The following DCC variants were observed in gnomAD, a reference collection of about 807,000 sequenced individuals.
DCC encodes the protein netrin receptor DCC.
DCC carries 58 observed loss-of-function variants against 172.5 expected under a neutral mutation model. The ratio of observed to expected loss-of-function variants is 0.34; its 90% confidence interval spans 0.27 to 0.42. The LOEUF is 0.42. Ranked by LOEUF, DCC falls within the 10% of genes least tolerant of loss-of-function variation. The probability of loss-of-function intolerance (pLI) is 1.00; values close to 1 mark genes in which losing one functional copy is unlikely to be tolerated. For synonymous variants in DCC, 709 were observed against 644.5 expected (o/e 1.10, Z -1.52); for missense variants, 1,740 against 1,791.0 (o/e 0.97, Z 0.51).
At chr18:52,588,772 A>G (rs186612255) in intron 1 of DCC, among the ~76,000 whole-genome samples, 1 of 152,270 alleles carries the variant, frequency 6.6e-6, no homozygotes, top group Admixed American at 6.5e-5. Flanking sequence ...GAAGACTAGA[A>G]CACAAGTCTT....
chr18:53,479,621 A>AAGAT (rs2045808420), intron 25 of DCC, among the ~76,000 whole-genome samples: 1 of 152,196 alleles, frequency 6.6e-6, no homozygotes, highest in African/African-American at 2.4e-5. Flanking sequence ...AGGATTTTAC[A>AAGAT]AGATAAGAAG....
rs1163503566 is a variant in DCC at position 52,634,995 on chromosome 18, G to C, written c.92-117059G>C. On this transcript the variant is annotated intron_variant, in intron 1 of 28. Coordinates refer to ENST00000442544, the MANE Select transcript of DCC (RefSeq NM_005215.4). ...TAGTATCACTCTTCTATTCTTATAAGATAGGGTCATGAAAATTAGTAGTAA... is the reference window on the plus strand; with the variant it reads ...TAGTATCACTCTTCTATTCTTATAACATAGGGTCATGAAAATTAGTAGTAA... Among the ~76,000 whole-genome samples the C allele has an allele frequency of 1.3e-5, 2 of 152,126 alleles. 1 individual carries two copies. Among genetic ancestry groups the C allele is most frequent in the African/African-American group, 4.8e-5 (2 of 41,422 alleles).
intron 3 of DCC, among the ~76,000 whole-genome samples, chr18:52,922,827 G>A (rs368300789): frequency 4.6e-5 from 7 of 152,178 alleles, no homozygotes; most frequent in South Asian, 2.1e-4. Context: ...TTAACTGTCC[G>A]CAAGCCTACT....
chr18:52,380,560 A>G (rs945811638), intron 1 of DCC, among the ~76,000 whole-genome samples: 9 of 152,110 alleles, frequency 5.9e-5, no homozygotes, highest in African/African-American at 1.7e-4. Flanking sequence ...TCAGATGGGC[A>G]CTTTGATTCA....
At chr18:53,291,882 C>A (rs2057009097) in intron 12 of DCC, among the ~76,000 whole-genome samples, 1 of 152,110 alleles carries the variant, frequency 6.6e-6, no homozygotes, top group Non-Finnish European at 1.5e-5. Flanking sequence ...CTCTAGGGAA[C>A]AACCAAATTG....
At chr18:52,938,155 C>A (rs1471063900) in intron 5 of DCC, among the ~76,000 whole-genome samples, 1 of 152,108 alleles carries the variant, frequency 6.6e-6, no homozygotes, top group African/African-American at 2.4e-5. Context: ...TGATGCTTGG[C>A]TGAGGTCAGT....
chr18:52,787,928 T>G (rs2145199142), intron 2 of DCC, among the ~76,000 whole-genome samples: 1 of 152,286 alleles, frequency 6.6e-6, no homozygotes, highest in East Asian at 1.9e-4. Context: ...TAATGAAACC[T>G]CAGACAATTT....
intron 2 of DCC, among the ~76,000 whole-genome samples, chr18:52,752,602 A>G (rs1297419469): frequency 2.0e-5 from 3 of 152,110 alleles, no homozygotes; most frequent in Non-Finnish European, 2.9e-5. Context: ...GTCACCACAT[A>G]CTTCTCTCTT....
At chr18:53,385,173 T>C (rs1304399933) in intron 15 of DCC, among the ~76,000 whole-genome samples, 1 of 152,158 alleles carries the variant, frequency 6.6e-6, no homozygotes, top group African/African-American at 2.4e-5. Flanking sequence ...TAGAGCTCCC[T>C]GTCCTGTTCT....
At chr18:52,580,352 A>G (rs894156987) in intron 1 of DCC, among the ~76,000 whole-genome samples, 4 of 152,142 alleles carry the variant, frequency 2.6e-5, no homozygotes, top group African/African-American at 9.7e-5. Flanking sequence ...CGAACTCACA[A>G]TGAGACATTT....
At chr18:52,876,583 G>A (rs2039406574) in intron 2 of DCC, among the ~76,000 whole-genome samples, 1 of 152,136 alleles carries the variant, frequency 6.6e-6, no homozygotes, top group Non-Finnish European at 1.5e-5. Context: ...TCCATATTAT[G>A]GGCCCATAAT....
At chr18:52,812,370 A>G (rs753571782) in intron 2 of DCC, among the ~76,000 whole-genome samples, 26 of 152,332 alleles carry the variant, frequency 1.7e-4, no homozygotes, top group East Asian at 5.8e-4. Context: ...TGAGGTTGAC[A>G]AGTTAATTGT....
intron 1 of DCC, among the ~76,000 whole-genome samples, chr18:52,345,488 T>C (rs9947834): frequency 0.1 from 15,236 of 152,244 alleles, 811 homozygotes; most frequent in Middle Eastern, 0.13. Context: ...GGAATCTCAC[T>C]AACTCATGAT....
intron 5 of DCC, among the ~76,000 whole-genome samples, chr18:52,981,358 C>T (rs901645328): frequency 6.6e-6 from 1 of 151,994 alleles, no homozygotes; most frequent in Non-Finnish European, 1.5e-5. Context: ...TGTTAAATTG[C>T]CTCTCTCTGA....
chr18:52,713,625 T>A (rs1036603417), intron 1 of DCC, among the ~76,000 whole-genome samples: 3 of 152,164 alleles, frequency 2.0e-5, no homozygotes, highest in Non-Finnish European at 2.9e-5. Flanking sequence ...CATCCGTGAT[T>A]GAGATGATCA....
rs555068201 is a variant in DCC, at chr18:53,247,226, T to C, written c.1911+31629T>C. ...GAAACCTAGAAGTGGCTTTTTCTTCTGCCCACATTCAATTGGCCAAAATAC... is the reference window on the plus strand; with the variant it reads ...GAAACCTAGAAGTGGCTTTTTCTTCCGCCCACATTCAATTGGCCAAAATAC... On this transcript the variant is annotated intron_variant, in intron 12 of 28. Transcript: ENST00000442544. Among the ~76,000 whole-genome samples the C allele has an allele frequency of 7.9e-5, 12 of 152,196 alleles. No individual in the cohort carries two copies. In the South Asian group the frequency reaches 2.5e-3, roughly 32 times the overall value.
intron 1 of DCC, among the ~76,000 whole-genome samples, chr18:52,692,309 C>T (rs1281195922): frequency 1.3e-5 from 2 of 152,148 alleles, no homozygotes; most frequent in African/African-American, 4.8e-5. Context: ...ACAAATCAAA[C>T]TTTAAGGGAA....
intron 8 of DCC, among the ~76,000 whole-genome samples, chr18:53,168,538 G>A (rs952818616): frequency 8.0e-6 from 1 of 124,822 alleles, no homozygotes; most frequent in Non-Finnish European, 1.6e-5. Context: ...ACACAGGGAG[G>A]GGAACATCAC....
rs1180851374 is a variant in DCC, at chr18:53,532,970, AC to A, written c.*2318del. ...TATATTTCTGCTGCATGCTTTTGAA[AC>A]TTTCTTCATTAAATAGAATGGTTTG... On this transcript the variant is annotated 3_prime_UTR_variant, in exon 29 of 29. Coordinates refer to ENST00000442544, the MANE Select transcript of DCC (RefSeq NM_005215.4). The A allele has an allele frequency of 2.0e-5, 3 of 152,162 alleles. No individual in the cohort carries two copies. The highest frequency in any genetic ancestry group is 2.0e-4 in the Admixed American group (3 of 15,274). The allele number at this position is 152,162 out of a possible 1,614,324, so 9.4% of individuals were successfully genotyped here.
Sources: gnomAD v4.1 joint callset for allele counts (sites outside exome capture counted in the v4.1 genomes callset) on GRCh38, gnomAD v4.1.1 for gene constraint, MANE v1.5 for transcripts, NCBI Gene and HGNC (gene_info 2026-07-23, HGNC 2026-07-21) for gene names.